Variants in RHOU observed in about 807,000 individuals in gnomAD.
RHOU encodes ras homolog family member U.
RHOU carries 8 observed loss-of-function variants against 12.6 expected under a neutral mutation model. The observed-to-expected ratio is 0.64, with a 90% CI of 0.37 to 1.15. The LOEUF (loss-of-function observed/expected upper bound fraction) is 1.15. Ranked by LOEUF, RHOU falls within the 50% of genes most tolerant of loss-of-function variation. The pLI is 0.01. For missense variants in RHOU, 258 were observed against 347.0 expected (o/e 0.74, Z 2.04); for synonymous variants, 161 against 147.4 (o/e 1.09, Z -0.67).
the RHOU span, among the ~76,000 whole-genome samples, chr1:228,646,423 G>T: frequency 3.2e-5 from 1 of 31,492 alleles, no homozygotes; most frequent in East Asian, 6.9e-4. Context: ...CGGAGGCAGC[G>T]TTTTGGATCC....
At chr1:228,647,448 G>C in the RHOU span, among the ~76,000 whole-genome samples, 1 of 152,188 alleles carries the variant, frequency 6.6e-6, no homozygotes, top group African/African-American at 2.4e-5. Flanking sequence ...TAGGAATCCG[G>C]GTGCACAGGG....
At chr1:228,666,685 ACTTGAAAGTCCCCATT>A in the RHOU span, among the ~76,000 whole-genome samples, 1 of 152,180 alleles carries the variant, frequency 6.6e-6, no homozygotes, top group Non-Finnish European at 1.5e-5. Flanking sequence ...GTGACTGAAG[ACTTGAAAGTCCCCATT>A]CCACAAGACT....
the RHOU span, among the ~76,000 whole-genome samples, chr1:228,715,655 A>T: frequency 2.0e-5 from 3 of 152,096 alleles, no homozygotes; most frequent in Non-Finnish European, 4.4e-5. Context: ...CATTCTTAAG[A>T]TGTACCGTAT....
At chr1:228,707,259 T>TA in the RHOU span, among the ~76,000 whole-genome samples, 64 of 59,262 alleles carry the variant, frequency 1.1e-3, 1 homozygote, top group African/African-American at 1.5e-3. Context: ...ATATATAGTG[T>TA]GTGTGTGTGT....
chr1:228,656,372 G>A, the RHOU span, among the ~76,000 whole-genome samples: 33 of 152,092 alleles, frequency 2.2e-4, 1 homozygote, highest in African/African-American at 5.8e-4. Context: ...TTTACACTTC[G>A]GTTTGTAACT....
chr1:228,710,296 C>T, the RHOU span, among the ~76,000 whole-genome samples: 1 of 152,120 alleles, frequency 6.6e-6, no homozygotes, highest in Admixed American at 6.5e-5. Flanking sequence ...GTAAATCCTC[C>T]CTAACTCATT....
the RHOU span, among the ~76,000 whole-genome samples, chr1:228,709,862 A>T: frequency 6.6e-6 from 1 of 152,168 alleles, no homozygotes. Flanking sequence ...AAAATTAACG[A>T]ATCCAGGAGC....
the RHOU span, among the ~76,000 whole-genome samples, chr1:228,671,940 T>C: frequency 2.0e-5 from 3 of 152,220 alleles, no homozygotes; most frequent in Non-Finnish European, 4.4e-5. Flanking sequence ...TCTGTTCTTG[T>C]ACATTCTTTT....
chr1:228,692,999 G>A, the RHOU span, among the ~76,000 whole-genome samples: 2 of 152,098 alleles, frequency 1.3e-5, no homozygotes, highest in Non-Finnish European at 2.9e-5. Context: ...CTGAGCAGAT[G>A]CCCAAAACCG....
chr1:228,713,392 T>C, the RHOU span, among the ~76,000 whole-genome samples: 1 of 152,186 alleles, frequency 6.6e-6, no homozygotes, highest in African/African-American at 2.4e-5. Flanking sequence ...GCGGTTTCAG[T>C]GCCCAGGGAA....
chr1:228,717,427 T>C, the RHOU span, among the ~76,000 whole-genome samples: 1 of 152,186 alleles, frequency 6.6e-6, no homozygotes, highest in Admixed American at 6.5e-5. Context: ...GGTATGTTAG[T>C]ATCACTTTAG....
At chr1:228,705,386 G>A in the RHOU span, among the ~76,000 whole-genome samples, 2 of 152,294 alleles carry the variant, frequency 1.3e-5, no homozygotes, top group East Asian at 1.9e-4. Context: ...ACACATGTAA[G>A]TGTAGGTGTA....
At chr1:228,678,361 C>A in the RHOU span, among the ~76,000 whole-genome samples, 2 of 152,104 alleles carry the variant, frequency 1.3e-5, no homozygotes, top group East Asian at 1.9e-4. Flanking sequence ...AAGTTTCAGT[C>A]GGTGAGTAGG....
At chr1:228,731,414 A>G (rs1036931654), upstream of RHOU, among the ~76,000 whole-genome samples, 10 of 152,206 alleles carry the variant, frequency 6.6e-5, no homozygotes, top group Non-Finnish European at 2.9e-5. Flanking sequence ...TTGAGCCCAG[A>G]AAGATGGGCC....
At chr1:228,705,601 C>A in the RHOU span, among the ~76,000 whole-genome samples, 1 of 152,204 alleles carries the variant, frequency 6.6e-6, no homozygotes, top group Non-Finnish European at 1.5e-5. Context: ...ACACTCCCTG[C>A]AGTATTGCCA....
At chr1:228,662,434 A>G in the RHOU span, among the ~76,000 whole-genome samples, 1 of 152,204 alleles carries the variant, frequency 6.6e-6, no homozygotes, top group Non-Finnish European at 1.5e-5. Context: ...ACCAACCCAA[A>G]TGTCCATCAA....
the RHOU span, among the ~76,000 whole-genome samples, chr1:228,726,588 T>C: frequency 6.6e-6 from 1 of 151,604 alleles, no homozygotes; most frequent in Non-Finnish European, 1.5e-5. Flanking sequence ...TTGCTTGAAC[T>C]TGGGAGCCAG....
chr1:228,735,590 CTGG>C lies in RHOU; in HGVS notation c.-152_-150del. On this transcript the variant is annotated 5_prime_UTR_variant, in exon 1 of 3. Transcript: ENST00000366691. This position sits in a 1 kb window ranked among gnomAD's most constrained non-coding sequence, Gnocchi z 8.1. The stretch of plus-strand genomic sequence containing the variant: ...GACCCTCCCTGGCCGCCTTTGTCTA[CTGG>C]CCGTGCGGCCCGGAACCGCCACTCT... 1 of 501,618 alleles carries C rather than the reference CTGG, an allele frequency of 2.0e-6. No individual in the cohort carries two copies. The highest frequency in any genetic ancestry group is 2.9e-6 in the Non-Finnish European group (1 of 344,984). The allele number at this position is 501,618 out of a possible 1,614,324, so 31.1% of individuals were successfully genotyped here. A position where few individuals can be genotyped will look rare whatever the true frequency, so the allele number is the denominator to read the frequency against.
the RHOU span, among the ~76,000 whole-genome samples, chr1:228,675,861 G>C: frequency 6.6e-6 from 1 of 152,088 alleles, no homozygotes; most frequent in African/African-American, 2.4e-5. Context: ...CTAGGGTTTA[G>C]GGCTGCAGCC....
Sources: gnomAD v4.1 joint callset for allele counts (sites outside exome capture counted in the v4.1 genomes callset) on GRCh38, gnomAD v4.1.1 for gene constraint, Gnocchi (gnomAD v3.1) non-coding constraint, MANE v1.5 for transcripts, NCBI Gene and HGNC (gene_info 2026-07-23, HGNC 2026-07-21) for gene names.